The following PCDHA6 variants were observed in gnomAD, a reference collection of about 807,000 sequenced individuals.
PCDHA6 encodes the protein protocadherin alpha 6, also known as protocadherin alpha-6.
Under a neutral mutation model 60.3 loss-of-function variants are expected in PCDHA6, and 55 were observed. The observed-to-expected ratio is 0.91, with a 90% CI of 0.73 to 1.14. PCDHA6 has a LOEUF of 1.14. Ranked by LOEUF, PCDHA6 falls within the 50% of genes most tolerant of loss-of-function variation. PCDHA6 has a pLI of 0.00. For missense variants in PCDHA6, 1,327 were observed against 1,256.5 expected (o/e 1.06, Z -0.85); for synonymous variants, 652 against 557.9 (o/e 1.17, Z -2.38).
rs782448071 is a variant in PCDHA6 at position 140,858,265 on chromosome 5, C to T, written c.2394+27780C>T. The T allele has an allele frequency of 4.1e-5, 66 of 1,597,068 alleles. 7 individuals carry two copies. Among genetic ancestry groups the T allele is most frequent in the Non-Finnish European group, 5.4e-5 (63 of 1,166,972 alleles). ...GGCCGGTGAAGCCCACGCTGGTGTG[C>T]TCTAGCGCGGTGGGGAGCTGGTCTT... On this transcript the variant is annotated intron_variant, in intron 1 of 3. Coordinates refer to ENST00000529310, the MANE Select transcript of PCDHA6 (RefSeq NM_018909.4).
intron 1 of PCDHA6, among the ~76,000 whole-genome samples, chr5:140,941,551 G>A (rs1247023682): frequency 4.0e-5 from 6 of 151,616 alleles, no homozygotes; most frequent in Non-Finnish European, 8.8e-5. Flanking sequence ...TCCTGACCTC[G>A]TGATCCATTC....
intron 1 of PCDHA6, among the ~76,000 whole-genome samples, chr5:140,972,550 A>G (rs534377572): frequency 6.6e-6 from 1 of 152,114 alleles, no homozygotes; most frequent in Admixed American, 6.5e-5. Context: ...TGCAGTGAGG[A>G]TTCTGAAGTA....
chr5:140,993,363 C>T (rs925225156), intron 3 of PCDHA6, among the ~76,000 whole-genome samples: 1 of 151,918 alleles, frequency 6.6e-6, no homozygotes, highest in Non-Finnish European at 1.5e-5. Context: ...CTCACAAAAA[C>T]TACCTCCCAG....
Position 140,938,565 on chromosome 5 carries a change from A to G in PCDHA6, c.2395-40384A>G, listed in dbSNP as rs1347602327. Among the ~76,000 whole-genome samples the G allele has an allele frequency of 2.0e-5, 3 of 151,630 alleles. No individual in the cohort carries two copies. The East Asian group carries it at 5.8e-4, about 29-fold the overall frequency. On this transcript the variant is annotated intron_variant, in intron 1 of 3. Coordinates refer to ENST00000529310, the MANE Select transcript of PCDHA6 (RefSeq NM_018909.4). ...TTTTATCCTTTTATTAATAGCATGC[A>G]TTATATTGGTTGATTTGTTAATGAT...
intron 1 of PCDHA6, chr5:140,841,245 G>A (rs1483817095): frequency 1.3e-6 from 2 of 1,501,446 alleles, no homozygotes; most frequent in Non-Finnish European, 1.8e-6. Context: ...AGCGGAATTG[G>A]ATTAAAAGAC....
At chr5:140,925,508 A>C (rs1244251216) in intron 1 of PCDHA6, among the ~76,000 whole-genome samples, 1 of 152,138 alleles carries the variant, frequency 6.6e-6, no homozygotes, top group African/African-American at 2.4e-5. Flanking sequence ...ATATCCACGC[A>C]AAAGACCAAA....
chr5:140,906,459 A>G (rs1217443805), intron 1 of PCDHA6, among the ~76,000 whole-genome samples: 1 of 152,236 alleles, frequency 6.6e-6, no homozygotes. Context: ...AAATGAAGAT[A>G]TTTTCTTAGT....
intron 1 of PCDHA6, chr5:140,861,473 T>A: frequency 2.0e-6 from 1 of 491,574 alleles, no homozygotes; most frequent in Non-Finnish European, 4.2e-6. Context: ...ATCTGCAGAA[T>A]GGCATTTTTG....
At chr5:140,993,018 C>T (rs2097537347) in intron 3 of PCDHA6, among the ~76,000 whole-genome samples, 1 of 152,174 alleles carries the variant, frequency 6.6e-6, no homozygotes, top group African/African-American at 2.4e-5. Flanking sequence ...AGTCCAGCAT[C>T]CCCTGTGGGC....
chr5:140,934,858 CTT>C (rs1462067711), intron 1 of PCDHA6, among the ~76,000 whole-genome samples: 1 of 152,136 alleles, frequency 6.6e-6, no homozygotes, highest in African/African-American at 2.4e-5. Flanking sequence ...GCTCCTGAGT[CTT>C]TGTGAGTGTG....
intron 2 of PCDHA6, among the ~76,000 whole-genome samples, chr5:140,980,556 G>A (rs1355966555): frequency 6.6e-6 from 1 of 152,126 alleles, no homozygotes; most frequent in Non-Finnish European, 1.5e-5. Flanking sequence ...CTTGAACCCG[G>A]GAGGCGGAAG....
chr5:140,842,047 C>T (rs2150327967), intron 1 of PCDHA6: 2 of 1,613,806 alleles, frequency 1.2e-6, no homozygotes, highest in Non-Finnish European at 8.5e-7. Context: ...CTCCCACTTT[C>T]GAACAGTCTG....
intron 1 of PCDHA6, among the ~76,000 whole-genome samples, chr5:140,961,132 T>G (rs1186627628): frequency 6.6e-6 from 1 of 152,238 alleles, no homozygotes; most frequent in Admixed American, 6.5e-5. Context: ...GTCTTGGCAC[T>G]TAAGAGTTGG....
intron 1 of PCDHA6, chr5:140,850,430 G>C (rs1346427061): frequency 1.9e-6 from 3 of 1,597,884 alleles, no homozygotes; most frequent in Non-Finnish European, 1.7e-6. Context: ...CACCGCGCCA[G>C]CGCCTACTGG....
intron 1 of PCDHA6, among the ~76,000 whole-genome samples, chr5:140,844,605 G>GA (rs1306948486): frequency 6.7e-6 from 1 of 149,186 alleles, no homozygotes; most frequent in Non-Finnish European, 1.5e-5. Context: ...ATATGACTTA[G>GA]AAAAATGTTT....
chr5:140,832,186 C>T (rs1186762604), intron 1 of PCDHA6, among the ~76,000 whole-genome samples: 1 of 152,198 alleles, frequency 6.6e-6, no homozygotes, highest in African/African-American at 2.4e-5. Context: ...ATTCAAAAGA[C>T]ATTTAACCTG....
intron 1 of PCDHA6, among the ~76,000 whole-genome samples, chr5:140,940,805 A>G (rs957278090): frequency 6.6e-6 from 1 of 152,202 alleles, no homozygotes. Context: ...ATTTGCCAGG[A>G]TATCCTGAGA....
At chr5:140,884,068 T>A (rs1554181200) in intron 1 of PCDHA6, 1 of 1,613,416 alleles carries the variant, frequency 6.2e-7, no homozygotes. Context: ...TGGACGCCGA[T>A]TCGGGCTACA....
chr5:140,874,624 A>G (rs1554167312), intron 1 of PCDHA6, among the ~76,000 whole-genome samples: 3 of 152,242 alleles, frequency 2.0e-5, no homozygotes, highest in African/African-American at 2.4e-5. Flanking sequence ...AACATTTTAC[A>G]TTAAAGTGCT....
Sources: allele counts gnomAD v4.1 joint callset (sites outside exome capture counted in the v4.1 genomes callset), GRCh38; gene constraint gnomAD v4.1.1; transcripts MANE v1.5; gene names NCBI Gene and HGNC (gene_info 2026-07-23, HGNC 2026-07-21).